USP20: variants seen among roughly 807,000 people sequenced by gnomAD.
USP20 encodes ubiquitin carboxyl-terminal hydrolase 20.
USP20 carries 80 observed loss-of-function variants against 124.2 expected under a neutral mutation model. The ratio of observed to expected loss-of-function variants is 0.64; its 90% confidence interval spans 0.54 to 0.78. USP20 has a LOEUF of 0.78. Among genes scored for constraint, USP20 ranks in the 30% least tolerant of loss-of-function variants. The pLI is 0.00. For missense variants in USP20, 1,043 were observed against 1,244.4 expected (o/e 0.84, Z 2.44); for synonymous variants, 481 against 512.3 (o/e 0.94, Z 0.83).
intron 4 of USP20, among the ~76,000 whole-genome samples, chr9:129,857,265 G>A (rs912759965): frequency 3.3e-5 from 5 of 152,216 alleles, no homozygotes; most frequent in African/African-American, 1.2e-4. Context: ...TGTTACAAGT[G>A]CAGGACGTGG....
rs1042169496 is a variant in USP20 at position 129,839,199 on chromosome 9, A to G, written c.-129+3700A>G. On this transcript the variant is annotated intron_variant, in intron 1 of 25. Transcript: ENST00000372429. The surrounding 1 kb of genome is among the most constrained non-coding windows in gnomAD (Gnocchi z 4.5). ...CTGTGTGACCTTAGCCAGTTATTCC[A>G]CTTCTCTGAGCCTCGGTGTCTCCAT... is the stretch of plus-strand genomic sequence containing the variant. Among the ~76,000 whole-genome samples, 1 of 152,046 alleles carries G rather than the reference A, an allele frequency of 6.6e-6. No homozygotes were observed. Among genetic ancestry groups the G allele is most frequent in the Non-Finnish European group, 1.5e-5 (1 of 68,000 alleles).
intron 1 of USP20, among the ~76,000 whole-genome samples, chr9:129,841,446 T>TG (rs1401304894): frequency 6.6e-6 from 1 of 152,206 alleles, no homozygotes; most frequent in East Asian, 1.9e-4. Flanking sequence ...CTTCAGCATA[T>TG]GAATGGGGGA....
At chr9:129,842,554 C>T (rs1239070916) in intron 1 of USP20, among the ~76,000 whole-genome samples, 3 of 151,464 alleles carry the variant, frequency 2.0e-5, no homozygotes, top group South Asian at 4.2e-4. Context: ...ACCCTCTTGT[C>T]GACCCCCATG....
At chr9:129,870,599 G>T (rs758101700) in intron 15 of USP20, 52 bp downstream of exon 15, 2 of 1,585,232 alleles carry the variant, frequency 1.3e-6, no homozygotes, top group Admixed American at 1.7e-5. Context: ...GTGGGGACGG[G>T]GATGTGCAGA....
intron 17 of USP20, 41 bp downstream of exon 17, chr9:129,873,785 G>T: frequency 6.2e-7 from 1 of 1,604,818 alleles, no homozygotes. Context: ...CAGCTATCTC[G>T]GGATGCACAC....
Position 129,863,281 on chromosome 9 carries a change from A to T in USP20, c.593A>T (p.Glu198Val). ...LCKSYQKLVS[E>V]VWHKKRPSYV... ...AAGAGCTACCAGAAGCTGGTCTCTG[A>T]GGTCTGGCATAAGAAACGGTGAGCA... The change falls in exon 9 of 26, where the codon GAG becomes GTG. Residue 198 changes from glutamate (E) to valine (V), a missense_variant. Coordinates refer to ENST00000372429, the MANE Select transcript of USP20 (RefSeq NM_001110303.4). The T allele has an allele frequency of 6.5e-7, 1 of 1,548,170 alleles. No homozygotes were observed. The highest frequency in any genetic ancestry group is 8.7e-7 in the Non-Finnish European group (1 of 1,143,542).
At chr9:129,873,928 G>A (rs1332843713) in intron 17 of USP20, among the ~76,000 whole-genome samples, 184 bp downstream of exon 17, 3 of 152,152 alleles carry the variant, frequency 2.0e-5, no homozygotes, top group Admixed American at 1.3e-4. Flanking sequence ...TTTTCCAACT[G>A]TGACTTGGTG....
intron 4 of USP20, among the ~76,000 whole-genome samples, chr9:129,857,491 C>T (rs1028582261): frequency 7.9e-5 from 12 of 152,160 alleles, no homozygotes; most frequent in African/African-American, 2.9e-4. Context: ...CTGAGCGGGC[C>T]TTGGAGGATG....
At chr9:129,861,441 T>C in intron 7 of USP20, 102 bp from the exon 8 acceptor site, 2 of 1,045,346 alleles carry the variant, frequency 1.9e-6, no homozygotes, top group Admixed American at 3.5e-5. Context: ...TCTTGGGTCT[T>C]GGGCAGTTGA....
Position 129,863,934 on chromosome 9 carries a change from C to T in USP20, c.611+635C>T, listed in dbSNP as rs970542543. ...CGTTCTGGCCAACATGGTGAAACCC[C>T]GTGTCTAATAAAAATACAAAAATTA... On this transcript the variant is annotated intron_variant, in intron 9 of 25. Coordinates refer to ENST00000372429, the MANE Select transcript of USP20 (RefSeq NM_001110303.4). Among the ~76,000 whole-genome samples the T allele has an allele frequency of 2.6e-5, 4 of 151,252 alleles. 1 individual carries two copies. The highest frequency in any genetic ancestry group is 2.1e-4 in the South Asian group (1 of 4,818).
chr9:129,870,147 A>G (rs1339152967), intron 14 of USP20: 2 of 563,158 alleles, frequency 3.6e-6, no homozygotes, highest in Non-Finnish European at 6.3e-6. Flanking sequence ...GAAGGGCAGC[A>G]GCTTTCCCAG....
Position 129,861,007 on chromosome 9 carries a change from CAG to C in USP20, c.404_405del (p.Glu135GlyfsTer3). On this transcript the variant is annotated frameshift_variant, in exon 7 of 26. Coordinates refer to ENST00000372429, the MANE Select transcript of USP20 (RefSeq NM_001110303.4). LOFTEE classifies it high-confidence loss of function. ...GTGGCTGATGAAGGAGAGTCTGAGT[CAG>C]AGGACGATGACCTGAAACCTCGAGG... 1.2e-6 allele frequency: 2 copies of C among 1,612,786 alleles called. No homozygotes were observed. Among genetic ancestry groups the C allele is most frequent in the Non-Finnish European group, 1.7e-6 (2 of 1,179,354 alleles).
chr9:129,871,340 TG>T (rs2034118740), intron 15 of USP20, among the ~76,000 whole-genome samples: 1 of 152,108 alleles, frequency 6.6e-6, no homozygotes, highest in Non-Finnish European at 1.5e-5. Flanking sequence ...GCAGCGTGTG[TG>T]TCGGAATGCC....
chr9:129,867,146 C>T (rs1451485983), intron 10 of USP20, among the ~76,000 whole-genome samples: 1 of 152,128 alleles, frequency 6.6e-6, no homozygotes, highest in Admixed American at 6.5e-5. Flanking sequence ...GGGCTCGGAA[C>T]CCAAGTCCTT....
chr9:129,841,527 C>T (rs1196515126), intron 1 of USP20, among the ~76,000 whole-genome samples: 1 of 152,166 alleles, frequency 6.6e-6, no homozygotes, highest in Non-Finnish European at 1.5e-5. Flanking sequence ...TGCTGGTTGT[C>T]CTGGGGATGT....
rs529417542 is a variant in USP20 at position 129,868,537 on chromosome 9, G to T, written c.1135+88G>T. On this transcript the variant is annotated intron_variant, in intron 11 of 25. Coordinates refer to ENST00000372429, the MANE Select transcript of USP20 (RefSeq NM_001110303.4). ...TGAGCGCCGACCTGCAGTAGCCCCC[G>T]GGGGACGGGTTCTTCACTAGACCCG... 11 of 1,482,034 alleles carry T rather than the reference G, an allele frequency of 7.4e-6. No individual in the cohort carries two copies. In the African/African-American group the frequency reaches 1.5e-4, roughly 21 times the overall value. The allele number at this position is 1,482,034 out of a possible 1,614,324, so 91.8% of individuals were successfully genotyped here. A position where few individuals can be genotyped will look rare whatever the true frequency, so the allele number is the denominator to read the frequency against.
chr9:129,865,432 C>G (rs778719977), intron 10 of USP20, 51 bp downstream of exon 10: 2 of 1,603,708 alleles, frequency 1.2e-6, no homozygotes, highest in Non-Finnish European at 1.7e-6. Flanking sequence ...ACCCACCAGG[C>G]CTGACTTTGA....
chr9:129,860,187 A>C (rs1333884858), intron 6 of USP20, among the ~76,000 whole-genome samples: 1 of 152,050 alleles, frequency 6.6e-6, no homozygotes. Flanking sequence ...AAAATTAGTC[A>C]GGCATAGTAG....
intron 6 of USP20, 39 bp downstream of exon 6, chr9:129,858,637 A>G (rs1342085757): frequency 1.2e-6 from 2 of 1,607,648 alleles, no homozygotes. Flanking sequence ...TGTTGGTGAC[A>G]CTGTGTTGAG....
Sources: allele counts gnomAD v4.1 joint callset (sites outside exome capture counted in the v4.1 genomes callset), GRCh38; gene constraint gnomAD v4.1.1; non-coding constraint Gnocchi (gnomAD v3.1); transcripts MANE v1.5; gene names NCBI Gene and HGNC (gene_info 2026-07-23, HGNC 2026-07-21).